SH3RF1: variants seen among roughly 807,000 people sequenced by gnomAD.
SH3RF1 encodes SH3 domain containing ring finger 1, also known as E3 ubiquitin-protein ligase SH3RF1.
SH3RF1 carries 32 observed loss-of-function variants against 74.0 expected under a neutral mutation model. The ratio of observed to expected loss-of-function variants is 0.43; its 90% CI spans 0.33 to 0.58. SH3RF1 has a LOEUF of 0.58. Among genes scored for constraint, SH3RF1 ranks in the 20% least tolerant of loss-of-function variants. The probability of loss-of-function intolerance (pLI) is 0.05; values close to 1 mark genes in which losing one functional copy is unlikely to be tolerated. For missense variants in SH3RF1, 954 were observed against 1,130.9 expected, an observed-to-expected ratio of 0.84 and a Z score of 2.24; for synonymous variants, 396 against 439.6, an observed-to-expected ratio of 0.90 and a Z score of 1.24.
At chr4:169,159,874 T>C (rs1465527406) in intron 2 of SH3RF1, among the ~76,000 whole-genome samples, 1 of 152,216 alleles carries the variant, frequency 6.6e-6, no homozygotes, top group Non-Finnish European at 1.5e-5. Context: ...GATTTTGAAA[T>C]GTGCATTTCT....
At chr4:169,150,050 T>C (rs1733950610) in intron 4 of SH3RF1, among the ~76,000 whole-genome samples, 1 of 152,212 alleles carries the variant, frequency 6.6e-6, no homozygotes, top group African/African-American at 2.4e-5. Flanking sequence ...CCACTTGTGC[T>C]CCCTGAGCCC....
intron 2 of SH3RF1, among the ~76,000 whole-genome samples, chr4:169,219,631 T>C (rs986418327): frequency 3.9e-5 from 6 of 152,206 alleles, no homozygotes; most frequent in Non-Finnish European, 7.3e-5. Context: ...TCTACTGTTT[T>C]GTATTTCCTT....
chr4:169,210,889 C>T (rs993524262), intron 2 of SH3RF1, among the ~76,000 whole-genome samples: 1 of 152,216 alleles, frequency 6.6e-6, no homozygotes, highest in African/African-American at 2.4e-5. Context: ...TCTCTCTCAA[C>T]CTATTCTGGC....
chr4:169,207,945 G>T (rs895799966), intron 2 of SH3RF1, among the ~76,000 whole-genome samples: 2 of 152,018 alleles, frequency 1.3e-5, no homozygotes, highest in African/African-American at 4.8e-5. Context: ...GGGGTGGGGG[G>T]ATCCTGCACC....
intron 2 of SH3RF1, among the ~76,000 whole-genome samples, chr4:169,212,063 T>TTTTTTTTTTTTTTTTTTTG (rs1730385421): frequency 7.6e-6 from 1 of 132,212 alleles, no homozygotes; most frequent in Non-Finnish European, 1.6e-5. Flanking sequence ...TTTTCTTTTT[T>TTTTTTTTTTTTTTTTTTTG]TTTTTTTTTT....
chr4:169,230,942 A>T (rs1730728256), intron 2 of SH3RF1, among the ~76,000 whole-genome samples: 1 of 152,144 alleles, frequency 6.6e-6, no homozygotes, highest in Non-Finnish European at 1.5e-5. Context: ...ATAGCCCTCA[A>T]GTATAAACAA....
chr4:169,218,834 A>T (rs80206269), intron 2 of SH3RF1, among the ~76,000 whole-genome samples: 1 of 152,212 alleles, frequency 6.6e-6, no homozygotes, highest in Admixed American at 6.5e-5. Context: ...ATTTAAGAAT[A>T]AAAAATGTTA....
At chr4:169,198,776 T>C (rs1448124287) in intron 2 of SH3RF1, among the ~76,000 whole-genome samples, 1 of 152,004 alleles carries the variant, frequency 6.6e-6, no homozygotes, top group Non-Finnish European at 1.5e-5. Context: ...AAAGAGAATC[T>C]AACAAAGAAA....
chr4:169,104,825 C>T (rs957755632), intron 11 of SH3RF1, among the ~76,000 whole-genome samples: 4 of 149,498 alleles, frequency 2.7e-5, no homozygotes, highest in African/African-American at 7.4e-5. Context: ...CACTTGAACC[C>T]GGGAAATGGA....
At chr4:169,158,132 CA>C (rs1734090777) in intron 2 of SH3RF1, among the ~76,000 whole-genome samples, 1 of 152,118 alleles carries the variant, frequency 6.6e-6, no homozygotes, top group Non-Finnish European at 1.5e-5. Context: ...GTAATAACTA[CA>C]ATACAGTGTA....
Position 169,095,312 on chromosome 4 carries a change from C to T in SH3RF1, c.*1207G>A, listed in dbSNP as rs568060386. The T allele has an allele frequency of 1.3e-5, 2 of 152,710 alleles. No homozygotes were observed. The highest frequency in any genetic ancestry group is 4.8e-5 in the African/African-American group (2 of 41,544). 9.5% of individuals were successfully genotyped at this position (152,710 alleles called of 1,614,324 possible). A position where few individuals can be genotyped will look rare whatever the true frequency, so the allele number is the denominator to read the frequency against. On this transcript the variant is annotated 3_prime_UTR_variant, in exon 12 of 12. Coordinates refer to ENST00000284637, the MANE Select transcript of SH3RF1 (RefSeq NM_020870.4). ...AGAGGGAGCGAGTGCACTGAAGAGA[C>T]CTTGGTCAGTAGTGGCTTTGGGGTA...
intron 3 of SH3RF1, among the ~76,000 whole-genome samples, chr4:169,155,899 C>T (rs920267252): frequency 6.6e-6 from 1 of 152,080 alleles, no homozygotes; most frequent in African/African-American, 2.4e-5. Context: ...TTCTCAGATG[C>T]TCCTCATTTT....
At chr4:169,249,361 C>T (rs2110743744) in intron 2 of SH3RF1, among the ~76,000 whole-genome samples, 1 of 152,358 alleles carries the variant, frequency 6.6e-6, no homozygotes, top group East Asian at 1.9e-4. Flanking sequence ...CATGTGAGGA[C>T]ACAGTGTTCC....
intron 2 of SH3RF1, among the ~76,000 whole-genome samples, chr4:169,157,338 G>A (rs1262574210): frequency 2.6e-5 from 4 of 152,188 alleles, no homozygotes; most frequent in African/African-American, 7.2e-5. Flanking sequence ...GTATAGACAC[G>A]TGGTCTTTTA....
chr4:169,152,017 C>A (rs1204513930), intron 4 of SH3RF1, among the ~76,000 whole-genome samples: 1 of 152,154 alleles, frequency 6.6e-6, no homozygotes, highest in Middle Eastern at 3.2e-3. Context: ...TTACAGAAAA[C>A]TAGTGTTTTT....
At chr4:169,162,452 C>T (rs1215108097) in intron 2 of SH3RF1, among the ~76,000 whole-genome samples, 1 of 152,190 alleles carries the variant, frequency 6.6e-6, no homozygotes, top group African/African-American at 2.4e-5. Context: ...CATAATTCCA[C>T]AATAGTCCAT....
chr4:169,169,194 A>G (rs1734288697), intron 2 of SH3RF1, among the ~76,000 whole-genome samples: 1 of 152,238 alleles, frequency 6.6e-6, no homozygotes, highest in South Asian at 2.1e-4. Context: ...CTTCAGGAAA[A>G]TATCTTCTTA....
At chr4:169,136,008 C>T (rs1472433430) in intron 5 of SH3RF1, among the ~76,000 whole-genome samples, 1 of 152,194 alleles carries the variant, frequency 6.6e-6, no homozygotes, top group East Asian at 1.9e-4. Context: ...CAAAGCAGTA[C>T]TGTGAGAAAG....
chr4:169,181,728 C>T (rs1211844162), intron 2 of SH3RF1, among the ~76,000 whole-genome samples: 1 of 152,168 alleles, frequency 6.6e-6, no homozygotes, highest in Non-Finnish European at 1.5e-5. Flanking sequence ...AATTCCTTAT[C>T]TTGCCCAATT....
Sources: gnomAD v4.1 joint callset for allele counts (sites outside exome capture counted in the v4.1 genomes callset) on GRCh38, gnomAD v4.1.1 for gene constraint, MANE v1.5 for transcripts, NCBI Gene and HGNC (gene_info 2026-07-23, HGNC 2026-07-21) for gene names.